Variants in SEC24D observed in about 807,000 individuals in gnomAD.
SEC24D encodes the protein protein transport protein Sec24D.
Under a neutral mutation model 116.9 loss-of-function variants are expected in SEC24D, and 69 were observed. The ratio of observed to expected loss-of-function variants is 0.59; its 90% CI spans 0.49 to 0.72. The LOEUF is 0.72. Among genes scored for constraint, SEC24D ranks in the 30% least tolerant of loss-of-function variants. The pLI is 0.00. For missense variants in SEC24D, 1,131 were observed against 1,264.1 expected (o/e 0.89, Z 1.60); for synonymous variants, 405 against 442.8 (o/e 0.91, Z 1.07).
intron 3 of SEC24D, among the ~76,000 whole-genome samples, chr4:118,818,271 C>A (rs978281155): frequency 6.6e-6 from 1 of 152,110 alleles, no homozygotes; most frequent in African/African-American, 2.4e-5. Flanking sequence ...ACTCTGATTT[C>A]AATTTCTCTA....
At chr4:118,730,944 A>C (rs1725654051) in intron 21 of SEC24D, 2 of 263,434 alleles carry the variant, frequency 7.6e-6, no homozygotes, top group South Asian at 8.2e-5. Context: ...TACCTGAAGG[A>C]ACTTGTCTCC....
At position 118,740,800 on chromosome 4, in the gene SEC24D, C is replaced by T. The variant is rs368665619; in HGVS notation, c.2101G>A (p.Ala701Thr). Reference sequence around the variant, plus strand: ...AAGATTCCACCAAAGAAATCAGTGGCTCTGAAACCTAAAGATAAGGGAAAA... The same window carrying T: ...AAGATTCCACCAAAGAAATCAGTGGTTCTGAAACCTAAAGATAAGGGAAAA... Reference protein sequence around the residue: ...MRVRTSTGFRATDFFGGILMN... With the variant: ...MRVRTSTGFRTTDFFGGILMN... The change falls in exon 17 of 23, where the codon GCC (alanine) becomes ACC (threonine). Residue 701 changes from alanine (A) to threonine (T), a missense_variant. By Grantham distance (58) the Ala-to-Thr change is moderately conservative. Coordinates refer to ENST00000280551, the MANE Select transcript of SEC24D (RefSeq NM_014822.4). 1.9e-6 allele frequency: 3 copies of T among 1,613,694 alleles called. No individual in the cohort carries two copies. The highest frequency in any genetic ancestry group is 3.3e-5 in the Admixed American group (2 of 59,966).
At chr4:118,723,747 T>C in intron 22 of SEC24D, 92 bp from the exon 23 acceptor site, 1 of 1,344,076 alleles carries the variant, frequency 7.4e-7, no homozygotes, top group Non-Finnish European at 1.0e-6. Context: ...TTGGCAAACA[T>C]TATTGAATGC....
chr4:118,742,920 C>T (rs145008119), intron 15 of SEC24D, among the ~76,000 whole-genome samples: 1 of 152,208 alleles, frequency 6.6e-6, no homozygotes, highest in Non-Finnish European at 1.5e-5. Flanking sequence ...GCAGGAGGCA[C>T]ATATTTTCTG....
At chr4:118,810,125 T>G (rs1404175098) in intron 6 of SEC24D, among the ~76,000 whole-genome samples, 1 of 123,954 alleles carries the variant, frequency 8.1e-6, no homozygotes, top group African/African-American at 2.6e-5. Flanking sequence ...TGTGTGTGTG[T>G]GTGTGTGTGT....
intron 8 of SEC24D, among the ~76,000 whole-genome samples, chr4:118,776,526 G>A (rs578070605): frequency 6.6e-6 from 1 of 152,270 alleles, no homozygotes; most frequent in Middle Eastern, 3.4e-3. Context: ...AACTATCAAT[G>A]GTAGGTAATG....
chr4:118,780,827 C>T lies in SEC24D; in HGVS notation c.1042-12516G>A, dbSNP rs1446337540. ...TCTTCTTGTTGAATTGATCCCTTTA[C>T]CATTATGCAATGGCCTTGTCCCTTT... On this transcript the variant is annotated intron_variant, in intron 8 of 22. Coordinates refer to ENST00000280551, the MANE Select transcript of SEC24D (RefSeq NM_014822.4). 4.0e-5 allele frequency among the ~76,000 whole-genome samples: 6 copies of T among 151,850 alleles called. No individual in the cohort carries two copies. The East Asian group carries it at 1.2e-3, about 29-fold the overall frequency.
intron 13 of SEC24D, among the ~76,000 whole-genome samples, chr4:118,750,931 A>T (rs965453428): frequency 6.6e-6 from 1 of 152,064 alleles, no homozygotes; most frequent in Non-Finnish European, 1.5e-5. Context: ...AACCCAAGCA[A>T]GAATCACTGT....
intron 22 of SEC24D, among the ~76,000 whole-genome samples, chr4:118,726,273 G>A (rs1025115495): frequency 1.3e-5 from 2 of 152,202 alleles, no homozygotes; most frequent in African/African-American, 2.4e-5. Context: ...TTAAGTGGCA[G>A]ATGAATGAAG....
chr4:118,757,134 G>A (rs759635435), intron 11 of SEC24D, among the ~76,000 whole-genome samples: 11 of 152,084 alleles, frequency 7.2e-5, no homozygotes, highest in Non-Finnish European at 1.5e-4. Flanking sequence ...TCTTGAGTAA[G>A]GTCTAAGGTA....
chr4:118,801,853 A>C (rs1365629356), intron 7 of SEC24D, among the ~76,000 whole-genome samples: 4 of 152,236 alleles, frequency 2.6e-5, no homozygotes, highest in Non-Finnish European at 5.9e-5. Flanking sequence ...TGGGGCATAA[A>C]AGGTCTGGCT....
chr4:118,776,766 T>G (rs545181215), intron 8 of SEC24D, among the ~76,000 whole-genome samples: 1 of 152,158 alleles, frequency 6.6e-6, no homozygotes, highest in Non-Finnish European at 1.5e-5. Context: ...GAAAATAATA[T>G]GTTGTCTAGT....
intron 8 of SEC24D, among the ~76,000 whole-genome samples, chr4:118,795,635 T>C (rs1729146180): frequency 1.3e-5 from 2 of 152,224 alleles, no homozygotes; most frequent in Admixed American, 6.5e-5. Flanking sequence ...AACGTTATGC[T>C]GAGTAAGAGA....
intron 13 of SEC24D, among the ~76,000 whole-genome samples, chr4:118,745,355 T>G (rs1726463785): frequency 6.6e-6 from 1 of 152,164 alleles, no homozygotes; most frequent in Non-Finnish European, 1.5e-5. Context: ...TAAAATGATG[T>G]GTTACGACGA....
chr4:118,828,266 G>A (rs1384809407), intron 2 of SEC24D, among the ~76,000 whole-genome samples: 1 of 151,968 alleles, frequency 6.6e-6, no homozygotes, highest in African/African-American at 2.4e-5. Context: ...CTGCCACTAC[G>A]CCCGGCTAAT....
chr4:118,801,114 C>T (rs138797645), intron 7 of SEC24D, among the ~76,000 whole-genome samples: 7,483 of 151,934 alleles, frequency 0.049, 220 homozygotes, highest in Non-Finnish European at 0.064. Flanking sequence ...ACAAAAAAAT[C>T]AGCCGGGCAT....
At chr4:118,743,708 T>C (rs1726350690) in intron 15 of SEC24D, among the ~76,000 whole-genome samples, 1 of 152,162 alleles carries the variant, frequency 6.6e-6, no homozygotes, top group Non-Finnish European at 1.5e-5. Flanking sequence ...GTTATGTAAA[T>C]AATTGTTATC....
chr4:118,754,456 T>G (rs1384292474), intron 11 of SEC24D, among the ~76,000 whole-genome samples: 4 of 152,136 alleles, frequency 2.6e-5, no homozygotes, highest in Admixed American at 6.6e-5. Flanking sequence ...TTCTAAACAC[T>G]TATAAATCAT....
rs116141722 is a variant in SEC24D at position 118,725,468 on chromosome 4, T to C, written c.2959-1813A>G. Among the ~76,000 whole-genome samples, 964 of 152,226 alleles carry C rather than the reference T, an allele frequency of 6.3e-3. 4 individuals are homozygous for C. Among genetic ancestry groups the C allele is most frequent in the Non-Finnish European group, 0.011 (733 of 67,996 alleles). On this transcript the variant is annotated intron_variant, in intron 22 of 22. Transcript: ENST00000280551. ...AGTGTGGGTCTAGCCTCTGACACAA[T>C]TCAGACTGAGGCTGGGCAGGATAAG...
Sources: gnomAD v4.1 joint callset for allele counts (sites outside exome capture counted in the v4.1 genomes callset) on GRCh38, gnomAD v4.1.1 for gene constraint, MANE v1.5 for transcripts, NCBI Gene and HGNC (gene_info 2026-07-23, HGNC 2026-07-21) for gene names.